Variants in CLOCK observed in about 807,000 individuals in gnomAD.
CLOCK encodes circadian locomoter output cycles protein kaput.
A neutral mutation model predicts 118.4 loss-of-function variants in CLOCK; 43 were observed. That is an observed-to-expected ratio of 0.36 (90% CI 0.28 to 0.47). CLOCK has a LOEUF of 0.47. Ranked by LOEUF, CLOCK falls within the 20% of genes least tolerant of loss-of-function variation. The probability of loss-of-function intolerance (pLI) is 1.00; values close to 1 mark genes in which losing one functional copy is unlikely to be tolerated. For missense variants in CLOCK, 846 were observed against 999.9 expected (o/e 0.85, Z 2.08); for synonymous variants, 326 against 339.2 (o/e 0.96, Z 0.43).
chr4:55,544,092 C>G (rs1404514223), intron 1 of CLOCK, among the ~76,000 whole-genome samples: 2 of 141,418 alleles, frequency 1.4e-5, no homozygotes, highest in Non-Finnish European at 3.0e-5. Flanking sequence ...CAGTCTTAAC[C>G]TCATTAAACA....
chr4:55,464,298 T>TA (rs2109826543), intron 8 of CLOCK, among the ~76,000 whole-genome samples: 1 of 152,346 alleles, frequency 6.6e-6, no homozygotes, highest in African/African-American at 2.4e-5. Context: ...GCCTTGTGTT[T>TA]AGTTATCCCC....
intron 13 of CLOCK, among the ~76,000 whole-genome samples, 174 bp downstream of exon 13, chr4:55,455,723 T>C (rs79717905): frequency 3.3e-5 from 5 of 152,224 alleles, no homozygotes; most frequent in Non-Finnish European, 7.3e-5. Flanking sequence ...GGAACAAGTT[T>C]AAACTTGATC....
chr4:55,539,600 A>AAAAG (rs1731127648), intron 1 of CLOCK, among the ~76,000 whole-genome samples: 38 of 134,938 alleles, frequency 2.8e-4, no homozygotes, highest in Non-Finnish European at 5.6e-4. Context: ...AAAAAAAAAA[A>AAAAG]GGTGAAATTG....
At chr4:55,438,133 G>A (rs1487763526) in intron 22 of CLOCK, 149 bp downstream of exon 22, 1 of 1,103,434 alleles carries the variant, frequency 9.1e-7, no homozygotes, top group Non-Finnish European at 1.3e-6. Context: ...TCGCCAACCA[G>A]AACAAGCTTT....
At chr4:55,492,353 A>C (rs1727759059) in intron 2 of CLOCK, among the ~76,000 whole-genome samples, 1 of 107,460 alleles carries the variant, frequency 9.3e-6, no homozygotes, top group African/African-American at 3.3e-5. Context: ...ACACCTATTC[A>C]TGATAAAAAA....
chr4:55,447,203 C>T (rs28450557), intron 18 of CLOCK, among the ~76,000 whole-genome samples: 5,117 of 151,956 alleles, frequency 0.034, 101 homozygotes, highest in Non-Finnish European at 0.054. Context: ...CCTGTCTCTA[C>T]TAAAAATATA....
intron 2 of CLOCK, among the ~76,000 whole-genome samples, chr4:55,495,769 C>G (rs996878538): frequency 6.6e-6 from 1 of 152,134 alleles, no homozygotes; most frequent in African/African-American, 2.4e-5. Context: ...CCAGAATTCA[C>G]CATTACTAAT....
At chr4:55,516,495 T>C (rs1481819817) in intron 1 of CLOCK, among the ~76,000 whole-genome samples, 1 of 150,664 alleles carries the variant, frequency 6.6e-6, no homozygotes, top group Non-Finnish European at 1.5e-5. Flanking sequence ...AGAGCTGCTC[T>C]GTCTGAAATT....
At chr4:55,452,163 T>G (rs1724516436) in intron 15 of CLOCK, 1 of 152,174 alleles carries the variant, frequency 6.6e-6, no homozygotes, top group African/African-American at 2.4e-5. Flanking sequence ...CCTTATATAA[T>G]GCATAGAATA....
intron 2 of CLOCK, among the ~76,000 whole-genome samples, chr4:55,500,836 TTCTGTTTGTTTG>T (rs1728386651): frequency 1.3e-5 from 2 of 152,230 alleles, no homozygotes; most frequent in South Asian, 4.2e-4. Context: ...TCTCCAGTGT[TTCTGTTTGTTTG>T]TCTGTTTTTG....
chr4:55,515,981 C>T (rs1729485308), intron 1 of CLOCK, among the ~76,000 whole-genome samples: 1 of 152,062 alleles, frequency 6.6e-6, no homozygotes, highest in Non-Finnish European at 1.5e-5. Flanking sequence ...ATCTTTGACC[C>T]ATGTGTTGTT....
At chr4:55,482,692 T>A (rs1439929534) in intron 4 of CLOCK, 47 bp downstream of exon 4, 2 of 1,320,476 alleles carry the variant, frequency 1.5e-6, no homozygotes, top group Admixed American at 4.1e-5. Flanking sequence ...TAATAGTGCA[T>A]TTTAAAATAA....
intron 2 of CLOCK, among the ~76,000 whole-genome samples, chr4:55,504,283 CAAAA>C (rs35414558): frequency 2.5e-4 from 13 of 51,946 alleles, no homozygotes; most frequent in Non-Finnish European, 4.6e-4. Flanking sequence ...GAGACTCCAT[CAAAA>C]AAAAAAAAAA....
chr4:55,476,314 T>C (rs965229977), intron 6 of CLOCK, among the ~76,000 whole-genome samples: 1 of 152,194 alleles, frequency 6.6e-6, no homozygotes, highest in African/African-American at 2.4e-5. Flanking sequence ...GTTATGTTGC[T>C]GATGGGCCTG....
rs1012499713 is a variant in CLOCK at position 55,433,136 on chromosome 4, A to T, written c.*2279T>A. On this transcript the variant is annotated 3_prime_UTR_variant, in exon 23 of 23. Transcript: ENST00000513440. ...CATAAGGTCAAGAAAGGCAATTTGA[A>T]AGGGGAGAAGAACAATGCTATTGCC... 6.6e-6 allele frequency: 1 copy of T among 152,668 alleles called. No homozygotes were observed. Among genetic ancestry groups the T allele is most frequent in the African/African-American group, 2.4e-5 (1 of 41,468 alleles). The allele number at this position is 152,668 out of a possible 1,614,324, so 9.5% of individuals were successfully genotyped here.
At chr4:55,531,231 GA>G (rs904340139) in intron 1 of CLOCK, among the ~76,000 whole-genome samples, 36 of 147,542 alleles carry the variant, frequency 2.4e-4, no homozygotes, top group East Asian at 3.9e-4. Context: ...TAGACCCATA[GA>G]AAAAAAAAAT....
intron 8 of CLOCK, among the ~76,000 whole-genome samples, chr4:55,468,986 A>T (rs1462575829): frequency 6.6e-6 from 1 of 152,196 alleles, no homozygotes; most frequent in Non-Finnish European, 1.5e-5. Context: ...ATGCTTGTGT[A>T]AACAAACCTA....
chr4:55,494,072 G>A (rs958542513), intron 2 of CLOCK, among the ~76,000 whole-genome samples: 3 of 152,146 alleles, frequency 2.0e-5, no homozygotes, highest in Non-Finnish European at 1.5e-5. Context: ...ACAGAGTATA[G>A]GAGCACCTTA....
intron 9 of CLOCK, among the ~76,000 whole-genome samples, chr4:55,462,309 CAG>C (rs763061836): frequency 4.1e-4 from 63 of 152,094 alleles, no homozygotes; most frequent in Admixed American, 7.2e-4. Context: ...TTTTTTGAGA[CAG>C]AGTCTCGCTC....
Sources: gnomAD v4.1 joint callset for allele counts (sites outside exome capture counted in the v4.1 genomes callset) on GRCh38, gnomAD v4.1.1 for gene constraint, MANE v1.5 for transcripts, NCBI Gene and HGNC (gene_info 2026-07-23, HGNC 2026-07-21) for gene names.